Variants in ROBO2 observed in about 807,000 individuals in gnomAD.
ROBO2 encodes roundabout homolog 2.
ROBO2 carries 53 observed loss-of-function variants against 160.8 expected under a neutral mutation model. That is an observed-to-expected ratio of 0.33 (90% CI 0.26 to 0.41). The LOEUF is 0.41. Among genes scored for constraint, ROBO2 ranks in the 10% least tolerant of loss-of-function variants. ROBO2 has a pLI of 1.00. For missense variants in ROBO2, 1,577 were observed against 1,722.4 expected, an observed-to-expected ratio of 0.92 and a Z score of 1.49; for synonymous variants, 664 against 611.7, an observed-to-expected ratio of 1.09 and a Z score of -1.26.
At chr3:77,364,782 C>T (rs537105445) in intron 2 of ROBO2, among the ~76,000 whole-genome samples, 1 of 152,214 alleles carries the variant, frequency 6.6e-6, no homozygotes, top group East Asian at 1.9e-4. Flanking sequence ...TCTGTCCCAA[C>T]TTAGGTGTGT....
chr3:77,499,221 G>A (rs2087198911), intron 5 of ROBO2, among the ~76,000 whole-genome samples: 1 of 152,194 alleles, frequency 6.6e-6, no homozygotes. Context: ...TTCTGGAAAT[G>A]ATAGTTGACA....
At chr3:77,311,307 G>A (rs956594926) in intron 2 of ROBO2, among the ~76,000 whole-genome samples, 13 of 152,058 alleles carry the variant, frequency 8.5e-5, no homozygotes, top group Non-Finnish European at 1.6e-4. Flanking sequence ...GAAATATCCC[G>A]GTGCTTTCGG....
chr3:77,382,942 A>C (rs1279455918), intron 2 of ROBO2, among the ~76,000 whole-genome samples: 2 of 152,202 alleles, frequency 1.3e-5, no homozygotes, highest in Non-Finnish European at 2.9e-5. Context: ...CAACATGCCA[A>C]CAAAATACTT....
chr3:76,590,780 A>G (rs1201454234), intron 2 of ROBO2, among the ~76,000 whole-genome samples: 1 of 152,128 alleles, frequency 6.6e-6, no homozygotes, highest in Non-Finnish European at 1.5e-5. Context: ...CTTTCTCAAA[A>G]CAATATTTTT....
At chr3:77,122,605 C>T (rs746811529) in intron 2 of ROBO2, among the ~76,000 whole-genome samples, 5 of 152,148 alleles carry the variant, frequency 3.3e-5, no homozygotes, top group African/African-American at 4.8e-5. Flanking sequence ...TCATAGTAAA[C>T]CCATAGAGAA....
intron 2 of ROBO2, among the ~76,000 whole-genome samples, chr3:77,153,385 A>G (rs1006388108): frequency 1.3e-5 from 2 of 152,130 alleles, no homozygotes; most frequent in African/African-American, 2.4e-5. Context: ...GAATTGAAAA[A>G]GGCAAACACT....
chr3:77,543,376 A>G (rs1052594952), intron 6 of ROBO2, among the ~76,000 whole-genome samples: 7 of 152,210 alleles, frequency 4.6e-5, no homozygotes, highest in Admixed American at 4.6e-4. Context: ...TTCGTCAATC[A>G]GTACATTTTG....
intron 2 of ROBO2, among the ~76,000 whole-genome samples, chr3:76,428,936 A>G (rs1263243772): frequency 6.6e-6 from 1 of 152,162 alleles, no homozygotes; most frequent in East Asian, 1.9e-4. Flanking sequence ...GCCCTACAGT[A>G]GCGTCTCTAG....
chr3:76,808,801 A>C, intron 2 of ROBO2, among the ~76,000 whole-genome samples: 1 of 152,124 alleles, frequency 6.6e-6, no homozygotes, highest in East Asian at 1.9e-4. Flanking sequence ...TTAAAGCACA[A>C]ATAGCCAAGT....
intron 2 of ROBO2, among the ~76,000 whole-genome samples, chr3:76,782,815 T>C (rs2062733935): frequency 6.6e-6 from 1 of 150,716 alleles, no homozygotes; most frequent in Admixed American, 6.6e-5. Flanking sequence ...TTTTTATCCT[T>C]TAGTCACTAT....
At chr3:76,538,984 C>A (rs1191610961) in intron 2 of ROBO2, among the ~76,000 whole-genome samples, 6 of 152,120 alleles carry the variant, frequency 3.9e-5, no homozygotes, top group African/African-American at 1.4e-4. Flanking sequence ...GAAAATGGGG[C>A]ACATATACAC....
At chr3:77,429,611 G>C (rs1560809480) in intron 2 of ROBO2, among the ~76,000 whole-genome samples, 1 of 94,776 alleles carries the variant, frequency 1.1e-5, no homozygotes, top group African/African-American at 4.1e-5. Context: ...TAAAAAGCAG[G>C]GTTTTTTTTT....
At chr3:76,328,312 A>G (rs2073185535) in intron 2 of ROBO2, among the ~76,000 whole-genome samples, 1 of 152,204 alleles carries the variant, frequency 6.6e-6, no homozygotes, top group Admixed American at 6.5e-5. Context: ...AACCAATTGG[A>G]AGATATTCCC....
At chr3:76,841,270 A>C (rs6775462) in intron 2 of ROBO2, among the ~76,000 whole-genome samples, 19,167 of 152,164 alleles carry the variant, frequency 0.13, 1,361 homozygotes, top group East Asian at 0.24. Context: ...GTGGCCACAG[A>C]ATCACTCACG....
At chr3:77,603,146 C>T in intron 20 of ROBO2, 1 of 444,998 alleles carries the variant, frequency 2.2e-6, no homozygotes, top group South Asian at 1.6e-5. Context: ...TATACTGAAT[C>T]ACAGCTCACT....
At chr3:76,214,250 A>G (rs1396671486) in intron 2 of ROBO2, among the ~76,000 whole-genome samples, 1 of 152,196 alleles carries the variant, frequency 6.6e-6, no homozygotes, top group African/African-American at 2.4e-5. Context: ...TCCTCAGAAA[A>G]GAAGCTAAAG....
At chr3:76,980,747 C>A (rs2060056603) in intron 2 of ROBO2, among the ~76,000 whole-genome samples, 2 of 151,830 alleles carry the variant, frequency 1.3e-5, no homozygotes, top group South Asian at 4.1e-4. Context: ...GTATACAAAT[C>A]AATGTTTTTT....
chr3:76,155,709 AT>A (rs924204328), intron 2 of ROBO2, among the ~76,000 whole-genome samples: 2 of 152,176 alleles, frequency 1.3e-5, no homozygotes, highest in Non-Finnish European at 2.9e-5. Context: ...AGCCATGTGT[AT>A]TTTTTTGGGT....
intron 2 of ROBO2, among the ~76,000 whole-genome samples, chr3:76,375,498 G>T (rs2076298097): frequency 1.3e-5 from 2 of 152,046 alleles, no homozygotes; most frequent in African/African-American, 4.8e-5. Context: ...GAAGAATGAG[G>T]TGCATCCTTA....
Sources: gnomAD v4.1 joint callset for allele counts (sites outside exome capture counted in the v4.1 genomes callset) on GRCh38, gnomAD v4.1.1 for gene constraint, MANE v1.5 for transcripts, NCBI Gene and HGNC (gene_info 2026-07-23, HGNC 2026-07-21) for gene names.